The following HECW2 variants were observed in gnomAD, a reference collection of about 807,000 sequenced individuals.
The protein encoded by HECW2 is HECT, C2 and WW domain containing E3 ubiquitin protein ligase 2, also known as E3 ubiquitin-protein ligase HECW2.
In HECW2, 61 loss-of-function variants were observed where a neutral mutation model predicts 175.2. The ratio of observed to expected loss-of-function variants is 0.35; its 90% CI spans 0.28 to 0.43. The LOEUF (loss-of-function observed/expected upper bound fraction) is 0.43, where lower values mean the gene tolerates loss of function less well. HECW2 is among the 20% of genes least tolerant of loss of function. The pLI, the probability that HECW2 is intolerant of heterozygous loss-of-function variation, is 1.00. For missense variants in HECW2, 1,524 were observed against 2,000.5 expected, an observed-to-expected ratio of 0.76 and a Z score of 4.54; for synonymous variants, 671 against 731.0, an observed-to-expected ratio of 0.92 and a Z score of 1.32.
intron 1 of HECW2, among the ~76,000 whole-genome samples, chr2:196,591,434 T>TCA (rs1401981936): frequency 6.6e-6 from 1 of 152,208 alleles, no homozygotes; most frequent in African/African-American, 2.4e-5. Flanking sequence ...CGATTATTTT[T>TCA]AAGTTCAAAG....
intron 14 of HECW2, among the ~76,000 whole-genome samples, chr2:196,281,593 T>C (rs1239978416): frequency 7.6e-6 from 1 of 131,416 alleles, no homozygotes. Context: ...TGAGCCAAGA[T>C]TGCACCACTG....
chr2:196,525,371 C>G (rs1423198494), intron 1 of HECW2, among the ~76,000 whole-genome samples: 4 of 134,966 alleles, frequency 3.0e-5, no homozygotes, highest in Non-Finnish European at 6.3e-5. Context: ...CTATGTGTGT[C>G]TCTGCACGTG....
At position 196,543,060 on chromosome 2, in the gene HECW2, T is replaced by C. The variant is rs539989795; in HGVS notation, c.-36+50448A>G. On this transcript the variant is annotated intron_variant, in intron 1 of 28. Coordinates refer to ENST00000644978, the MANE Select transcript of HECW2 (RefSeq NM_001348768.2). ...AAAGGAAAAAAGGACAACAGTAAGT[T>C]TGTCAAATATTAGCAGTTGCTATCA... 3.7e-4 allele frequency among the ~76,000 whole-genome samples: 55 copies of C among 150,358 alleles called. 1 individual carries two copies. Among genetic ancestry groups the C allele is most frequent in the Admixed American group, 3.0e-3 (45 of 15,084 alleles).
chr2:196,362,413 A>G (rs542426199), intron 2 of HECW2, among the ~76,000 whole-genome samples: 15 of 150,432 alleles, frequency 1.0e-4, no homozygotes, highest in Non-Finnish European at 1.9e-4. Flanking sequence ...GCTGACTGCA[A>G]TCCCAGAAAG....
rs1405397553 is a variant in HECW2 at position 196,373,696 on chromosome 2, C to T, written c.293-29932G>A. Among the ~76,000 whole-genome samples, 4 of 151,998 alleles carry T rather than the reference C, an allele frequency of 2.6e-5. No individual in the cohort carries two copies. In the East Asian group the frequency reaches 7.7e-4, roughly 29 times the overall value. ...TAAAGGATAAGAGTACAAGGGGAAA[C>T]AAACAAAAAAGTAATGATTATACAT... On this transcript the variant is annotated intron_variant, in intron 2 of 28. Coordinates refer to ENST00000644978, the MANE Select transcript of HECW2 (RefSeq NM_001348768.2).
intron 2 of HECW2, among the ~76,000 whole-genome samples, chr2:196,354,710 T>C (rs1476338895): frequency 6.6e-6 from 1 of 152,232 alleles, no homozygotes; most frequent in African/African-American, 2.4e-5. Flanking sequence ...AAATTCTTGG[T>C]AAGCATTATC....
At chr2:196,313,494 C>G (rs1691576924) in intron 10 of HECW2, among the ~76,000 whole-genome samples, 1 of 152,150 alleles carries the variant, frequency 6.6e-6, no homozygotes, top group Non-Finnish European at 1.5e-5. Flanking sequence ...ATTAGAATAT[C>G]TCTCAACCAG....
chr2:196,593,354 C>A (rs1691283648), intron 1 of HECW2, among the ~76,000 whole-genome samples, 154 bp downstream of exon 1: 1 of 150,798 alleles, frequency 6.6e-6, no homozygotes, highest in Admixed American at 6.6e-5. Context: ...CCGCAGCGCC[C>A]GGCTCCCCGC....
intron 1 of HECW2, among the ~76,000 whole-genome samples, chr2:196,571,932 G>A (rs2125515414): frequency 6.6e-6 from 1 of 152,262 alleles, no homozygotes; most frequent in African/African-American, 2.4e-5. Context: ...TATGCATACA[G>A]TGAAATATTT....
intron 3 of HECW2, among the ~76,000 whole-genome samples, chr2:196,342,928 A>G (rs1692811268): frequency 6.7e-6 from 1 of 149,058 alleles, no homozygotes; most frequent in African/African-American, 2.5e-5. Flanking sequence ...AAAAATGTGT[A>G]AAGTATTAAA....
intron 14 of HECW2, among the ~76,000 whole-genome samples, chr2:196,284,880 A>G: frequency 6.6e-6 from 1 of 152,092 alleles, no homozygotes; most frequent in East Asian, 1.9e-4. Flanking sequence ...GGAAAAATAG[A>G]TCCTTTTCAC....
chr2:196,338,329 T>G (rs946813231), intron 3 of HECW2, among the ~76,000 whole-genome samples: 5 of 152,250 alleles, frequency 3.3e-5, no homozygotes, highest in Non-Finnish European at 7.3e-5. Flanking sequence ...GATAGATAAC[T>G]TGACACTGGT....
At chr2:196,474,009 C>A (rs868846586) in intron 1 of HECW2, among the ~76,000 whole-genome samples, 5 of 152,146 alleles carry the variant, frequency 3.3e-5, no homozygotes, top group Admixed American at 6.5e-5. Context: ...GAAAAGAAAA[C>A]TCTGTTTCAC....
At chr2:196,300,747 A>G (rs914155886) in intron 13 of HECW2, among the ~76,000 whole-genome samples, 6 of 152,184 alleles carry the variant, frequency 3.9e-5, no homozygotes, top group African/African-American at 1.4e-4. Flanking sequence ...ACAGACATAT[A>G]TGTGTGTGTA....
intron 1 of HECW2, among the ~76,000 whole-genome samples, chr2:196,530,723 T>C (rs995570810): frequency 6.6e-6 from 1 of 152,210 alleles, no homozygotes; most frequent in Non-Finnish European, 1.5e-5. Context: ...TAATTTACTC[T>C]TACTGGCATT....
intron 14 of HECW2, among the ~76,000 whole-genome samples, chr2:196,283,708 A>G (rs768191714): frequency 2.6e-5 from 4 of 152,198 alleles, no homozygotes; most frequent in African/African-American, 4.8e-5. Context: ...GTTAAAACGT[A>G]TATGGGTTTT....
chr2:196,267,865 A>C (rs992793742), intron 17 of HECW2, among the ~76,000 whole-genome samples: 5 of 152,224 alleles, frequency 3.3e-5, no homozygotes, highest in African/African-American at 1.2e-4. Flanking sequence ...ATAAGAAGGA[A>C]TATTTATCTT....
intron 2 of HECW2, among the ~76,000 whole-genome samples, chr2:196,410,923 C>T (rs1213502572): frequency 6.6e-6 from 1 of 152,100 alleles, no homozygotes; most frequent in African/African-American, 2.4e-5. Context: ...AACAGCCCAC[C>T]GAGAAGATAC....
At chr2:196,425,534 A>G (rs1314195753) in intron 2 of HECW2, among the ~76,000 whole-genome samples, 8 of 152,196 alleles carry the variant, frequency 5.3e-5, no homozygotes, top group Non-Finnish European at 1.0e-4. Context: ...GGAGTCTGGA[A>G]GAAGTTGATT....
Sources: gnomAD v4.1 joint callset for allele counts (sites outside exome capture counted in the v4.1 genomes callset) on GRCh38, gnomAD v4.1.1 for gene constraint, MANE v1.5 for transcripts, NCBI Gene and HGNC (gene_info 2026-07-23, HGNC 2026-07-21) for gene names.